Variants in PACRG observed in about 807,000 individuals in gnomAD.
The protein encoded by PACRG is parkin coregulated, also known as parkin coregulated gene protein.
A neutral mutation model predicts 29.7 loss-of-function variants in PACRG; 29 were observed. The ratio of observed to expected loss-of-function variants is 0.98; its 90% CI spans 0.73 to 1.33. PACRG has a LOEUF of 1.33. Ranked by LOEUF, PACRG falls within the 40% of genes most tolerant of loss-of-function variation. The probability of loss-of-function intolerance (pLI) is 0.00; values close to 1 mark genes in which losing one functional copy is unlikely to be tolerated. For missense variants in PACRG, 279 were observed against 316.2 expected (o/e 0.88, Z 0.89); for synonymous variants, 116 against 118.7 (o/e 0.98, Z 0.15).
intron 2 of PACRG, among the ~76,000 whole-genome samples, chr6:163,036,040 A>G (rs1808156388): frequency 1.3e-5 from 2 of 152,128 alleles, no homozygotes; most frequent in South Asian, 2.1e-4. Flanking sequence ...GTATTGCCTT[A>G]TTTCTAATCA....
chr6:162,947,952 G>A (rs368068518), intron 2 of PACRG, among the ~76,000 whole-genome samples: 1 of 151,776 alleles, frequency 6.6e-6, no homozygotes, highest in Non-Finnish European at 1.5e-5. Flanking sequence ...AATTAATATT[G>A]TTAAAATGAC....
At chr6:162,895,034 CT>C (rs1795056436) in intron 2 of PACRG, among the ~76,000 whole-genome samples, 1 of 152,032 alleles carries the variant, frequency 6.6e-6, no homozygotes, top group Admixed American at 6.5e-5. Flanking sequence ...TAAACTATAA[CT>C]TTTAGGTAAT....
intron 4 of PACRG, among the ~76,000 whole-genome samples, chr6:163,127,166 C>T (rs1450463879): frequency 1.3e-5 from 2 of 152,126 alleles, no homozygotes; most frequent in Non-Finnish European, 2.9e-5. Context: ...ACAAAAGTGG[C>T]GTCATTTCCA....
chr6:162,935,109 C>G (rs62427531), intron 2 of PACRG, among the ~76,000 whole-genome samples: 1 of 151,920 alleles, frequency 6.6e-6, no homozygotes, highest in Non-Finnish European at 1.5e-5. Context: ...TTGCTGTTTT[C>G]ATAATTTTCT....
intron 1 of PACRG, among the ~76,000 whole-genome samples, chr6:162,812,174 A>G (rs555391032): frequency 6.6e-6 from 1 of 152,280 alleles, no homozygotes; most frequent in African/African-American, 2.4e-5. Context: ...CAATGTCAAT[A>G]ACCTATTGTG....
intron 1 of PACRG, among the ~76,000 whole-genome samples, chr6:162,802,928 C>A (rs911556027): frequency 6.6e-6 from 1 of 152,046 alleles, no homozygotes; most frequent in Non-Finnish European, 1.5e-5. Flanking sequence ...GTCTTGGGGC[C>A]TCAGCCTTTT....
At chr6:163,015,536 T>C (rs1408402108) in intron 2 of PACRG, among the ~76,000 whole-genome samples, 2 of 152,186 alleles carry the variant, frequency 1.3e-5, no homozygotes, top group Admixed American at 6.5e-5. Flanking sequence ...TCTAGCAGTA[T>C]TTTGTAGTTC....
rs190823531 is a variant in PACRG, at chr6:162,807,480, C to T, written c.157-6667C>T. Among the ~76,000 whole-genome samples the T allele has an allele frequency of 2.7e-3, 410 of 152,094 alleles. 1 individual carries two copies. Among genetic ancestry groups the T allele is most frequent in the African/African-American group, 9.4e-3 (390 of 41,496 alleles). On this transcript the variant is annotated intron_variant, in intron 1 of 4. Transcript: ENST00000366888. ...GAGCCATGTAGAGTTATTAATTGGA[C>T]TCATTTCAATATTGTTCTGTCTCGG...
chr6:162,963,717 T>G (rs1317227196), intron 2 of PACRG, among the ~76,000 whole-genome samples: 3 of 148,806 alleles, frequency 2.0e-5, no homozygotes, highest in Non-Finnish European at 4.4e-5. Flanking sequence ...ACATATAAAA[T>G]TATTTTATAT....
chr6:162,797,920 T>C (rs1785515970), intron 1 of PACRG, among the ~76,000 whole-genome samples: 2 of 149,904 alleles, frequency 1.3e-5, no homozygotes, highest in Admixed American at 1.3e-4. Flanking sequence ...TTCCCTGTCA[T>C]AATTCTTGGT....
chr6:163,263,155 A>G (rs1783396761), intron 4 of PACRG, among the ~76,000 whole-genome samples: 2 of 121,030 alleles, frequency 1.7e-5, no homozygotes, highest in East Asian at 2.6e-4. Flanking sequence ...GGGGCCAGGT[A>G]TCTTACAGAC....
intron 4 of PACRG, among the ~76,000 whole-genome samples, chr6:163,259,439 G>A (rs1204337634): frequency 6.6e-6 from 1 of 152,098 alleles, no homozygotes; most frequent in East Asian, 1.9e-4. Context: ...CCTCTCACTT[G>A]TGTCACCTGC....
chr6:163,137,210 G>GCCT (rs1816970702), intron 4 of PACRG, among the ~76,000 whole-genome samples: 1 of 152,066 alleles, frequency 6.6e-6, no homozygotes, highest in South Asian at 2.1e-4. Flanking sequence ...AGCTGCCGAT[G>GCCT]CCTCATTCGT....
chr6:163,108,450 A>G (rs1815518668), intron 4 of PACRG, among the ~76,000 whole-genome samples: 1 of 128,984 alleles, frequency 7.8e-6, no homozygotes, highest in Non-Finnish European at 1.5e-5. Flanking sequence ...GCTGGAACGC[A>G]GTGGTGCAGT....
chr6:162,821,428 A>C (rs2128375906), intron 2 of PACRG, among the ~76,000 whole-genome samples: 1 of 152,348 alleles, frequency 6.6e-6, no homozygotes, highest in East Asian at 1.9e-4. Flanking sequence ...GACCCAAGGG[A>C]AACAAGAAAT....
intron 4 of PACRG, among the ~76,000 whole-genome samples, chr6:163,187,480 T>C (rs547616960): frequency 6.6e-6 from 1 of 152,232 alleles, no homozygotes; most frequent in East Asian, 1.9e-4. Flanking sequence ...CCTCCATGAA[T>C]GTATCTGCTT....
At position 162,756,431 on chromosome 6, in the gene PACRG, C is replaced by T. The variant is rs531600185; in HGVS notation, c.156+28040C>T. Among the ~76,000 whole-genome samples the T allele has an allele frequency of 3.3e-5, 5 of 152,082 alleles. No individual in the cohort carries two copies. The East Asian group carries it at 7.7e-4, about 24-fold the overall frequency. ...CCTTTTAATAATTTTTTTTACTTAA[C>T]GTCTACTTTGTGTGTTATAAGTGTA... On this transcript the variant is annotated intron_variant, in intron 1 of 4. Coordinates refer to ENST00000366888, the MANE Select transcript of PACRG (RefSeq NM_001080379.2).
At chr6:162,797,696 TG>T (rs1785501196) in intron 1 of PACRG, among the ~76,000 whole-genome samples, 3 of 152,216 alleles carry the variant, frequency 2.0e-5, no homozygotes, top group African/African-American at 7.2e-5. Context: ...ACTTCAATTA[TG>T]ATAAGGTAGC....
At chr6:163,070,367 A>G (rs1385358610) in intron 3 of PACRG, among the ~76,000 whole-genome samples, 2 of 152,114 alleles carry the variant, frequency 1.3e-5, no homozygotes, top group Non-Finnish European at 2.9e-5. Flanking sequence ...CATAGACAGT[A>G]TAATAAAATA....
Sources: gnomAD v4.1 joint callset for allele counts (sites outside exome capture counted in the v4.1 genomes callset) on GRCh38, gnomAD v4.1.1 for gene constraint, MANE v1.5 for transcripts, NCBI Gene and HGNC (gene_info 2026-07-23, HGNC 2026-07-21) for gene names.